Variants in KLHL29 observed in about 807,000 individuals in gnomAD.
The protein encoded by KLHL29 is kelch like family member 29, also known as kelch-like protein 29.
KLHL29 carries 21 observed loss-of-function variants against 80.4 expected under a neutral mutation model. The ratio of observed to expected loss-of-function variants is 0.26; its 90% CI spans 0.19 to 0.38. The LOEUF is 0.38. KLHL29 is among the 10% of genes least tolerant of loss of function. The pLI is 1.00. For missense variants in KLHL29, 867 were observed against 1,223.9 expected, an observed-to-expected ratio of 0.71 and a Z score of 4.35; for synonymous variants, 511 against 526.8, an observed-to-expected ratio of 0.97 and a Z score of 0.41.
intron 3 of KLHL29, among the ~76,000 whole-genome samples, chr2:23,576,262 A>G (rs1261254986): frequency 2.7e-5 from 4 of 150,166 alleles, no homozygotes; most frequent in Non-Finnish European, 4.4e-5. Context: ...CCAAGATAGC[A>G]CCATTGCACT....
chr2:23,413,305 A>G (rs1666909017), intron 1 of KLHL29, among the ~76,000 whole-genome samples: 1 of 132,698 alleles, frequency 7.5e-6, no homozygotes, highest in African/African-American at 2.6e-5. Context: ...GCTGAAGCCA[A>G]CCATGGGGCC....
chr2:23,448,517 G>C (rs1484406009), intron 1 of KLHL29, among the ~76,000 whole-genome samples: 1 of 152,210 alleles, frequency 6.6e-6, no homozygotes, highest in African/African-American at 2.4e-5. Context: ...AGAATTAGAA[G>C]GGCCTAGAGG....
At chr2:23,482,204 G>A (rs1664814441) in intron 2 of KLHL29, among the ~76,000 whole-genome samples, 1 of 152,230 alleles carries the variant, frequency 6.6e-6, no homozygotes, top group South Asian at 2.1e-4. Context: ...GTGAATGGCG[G>A]GTGAGATGGA....
intron 1 of KLHL29, among the ~76,000 whole-genome samples, chr2:23,425,473 G>A (rs1240867961): frequency 6.6e-6 from 1 of 152,196 alleles, no homozygotes; most frequent in East Asian, 1.9e-4. Context: ...CATAGCAAAT[G>A]CCAAAAGCTA....
At chr2:23,557,474 G>A (rs1250351125) in intron 2 of KLHL29, among the ~76,000 whole-genome samples, 1 of 152,156 alleles carries the variant, frequency 6.6e-6, no homozygotes, top group East Asian at 1.9e-4. Context: ...TCCAGGCCCG[G>A]AGTCTCCATC....
At chr2:23,414,810 A>G (rs776317036) in intron 1 of KLHL29, among the ~76,000 whole-genome samples, 19 of 152,264 alleles carry the variant, frequency 1.2e-4, no homozygotes, top group Admixed American at 9.2e-4. Context: ...TGAGTTTTTC[A>G]TAGAACTAAA....
intron 3 of KLHL29, among the ~76,000 whole-genome samples, chr2:23,608,823 G>A (rs140764605): frequency 1.4e-4 from 21 of 152,032 alleles, no homozygotes; most frequent in African/African-American, 4.3e-4. Flanking sequence ...TTTTTTCTAC[G>A]AATACTTATA....
At chr2:23,403,937 C>A (rs1052049907) in intron 1 of KLHL29, among the ~76,000 whole-genome samples, 1 of 152,154 alleles carries the variant, frequency 6.6e-6, no homozygotes, top group African/African-American at 2.4e-5. Context: ...ATTCTGGAGA[C>A]TTTGCATCCT....
chr2:23,635,895 A>G (rs1225929450), intron 3 of KLHL29, among the ~76,000 whole-genome samples: 1 of 152,202 alleles, frequency 6.6e-6, no homozygotes, highest in Non-Finnish European at 1.5e-5. Context: ...AGCTTGCTCA[A>G]TTCTGCCTTC....
intron 2 of KLHL29, among the ~76,000 whole-genome samples, chr2:23,529,510 A>G (rs1379839979): frequency 6.6e-6 from 1 of 152,172 alleles, no homozygotes; most frequent in Non-Finnish European, 1.5e-5. Flanking sequence ...CAGTCTCATG[A>G]GAGAGAGCAG....
At chr2:23,581,240 G>A (rs536004556) in intron 3 of KLHL29, among the ~76,000 whole-genome samples, 8 of 152,326 alleles carry the variant, frequency 5.3e-5, no homozygotes, top group Admixed American at 6.5e-5. Context: ...GCATCTCCAT[G>A]TATATGATTG....
chr2:23,507,899 T>C (rs1351989377), intron 2 of KLHL29, among the ~76,000 whole-genome samples: 3 of 152,262 alleles, frequency 2.0e-5, no homozygotes, highest in South Asian at 2.1e-4. Context: ...TTGTTATCTT[T>C]GGCCACTTAC....
chr2:23,670,000 A>G lies in KLHL29; in HGVS notation c.941-14399A>G. On this transcript the variant is annotated intron_variant, in intron 5 of 13. Transcript: ENST00000486442. The surrounding 1 kb of genome is among the most constrained non-coding windows in gnomAD (Gnocchi z 4.3). Reference sequence around the variant, plus strand: ...AGCTGAAATGGTAGGGACCCATGAAAAGTCCCATGCAGGGAGAATTGAGCC... The same window carrying G: ...AGCTGAAATGGTAGGGACCCATGAAGAGTCCCATGCAGGGAGAATTGAGCC... 6.6e-6 allele frequency among the ~76,000 whole-genome samples: 1 copy of G among 152,052 alleles called. No homozygotes were observed. Among genetic ancestry groups the G allele is most frequent in the Non-Finnish European group, 1.5e-5 (1 of 68,014 alleles).
chr2:23,579,608 A>G (rs1234475452), intron 3 of KLHL29, among the ~76,000 whole-genome samples: 1 of 152,096 alleles, frequency 6.6e-6, no homozygotes, highest in Non-Finnish European at 1.5e-5. Context: ...TTCCACTGCC[A>G]TAGTCCAGGC....
intron 1 of KLHL29, among the ~76,000 whole-genome samples, chr2:23,430,552 C>T (rs1663142896): frequency 6.6e-6 from 1 of 152,218 alleles, no homozygotes; most frequent in African/African-American, 2.4e-5. Context: ...CTGGGCCCTC[C>T]AGCTGGCCCA....
At chr2:23,471,285 T>C (rs1198004446) in intron 1 of KLHL29, among the ~76,000 whole-genome samples, 4 of 152,180 alleles carry the variant, frequency 2.6e-5, no homozygotes, top group African/African-American at 9.7e-5. Context: ...CCCTAATTGG[T>C]TTCTCCTCTC....
chr2:23,411,200 A>AG (rs1468482921), intron 1 of KLHL29, among the ~76,000 whole-genome samples: 4 of 152,140 alleles, frequency 2.6e-5, no homozygotes, highest in African/African-American at 9.7e-5. Flanking sequence ...AGGCCAGGTG[A>AG]GGGAGGGGCA....
chr2:23,579,042 C>T (rs1169426369), intron 3 of KLHL29, among the ~76,000 whole-genome samples: 1 of 152,210 alleles, frequency 6.6e-6, no homozygotes, highest in Non-Finnish European at 1.5e-5. Flanking sequence ...GTCCTGGACT[C>T]CGGCTCCCGT....
chr2:23,545,536 G>A (rs918713600), intron 2 of KLHL29, among the ~76,000 whole-genome samples: 7 of 152,344 alleles, frequency 4.6e-5, no homozygotes, highest in Non-Finnish European at 1.0e-4. Context: ...GCTGACACCC[G>A]CAGAGCTCAG....
Sources: gnomAD v4.1 joint callset for allele counts (sites outside exome capture counted in the v4.1 genomes callset) on GRCh38, gnomAD v4.1.1 for gene constraint, Gnocchi (gnomAD v3.1) non-coding constraint, MANE v1.5 for transcripts, NCBI Gene and HGNC (gene_info 2026-07-23, HGNC 2026-07-21) for gene names.